ATG14: variants seen among roughly 807,000 people sequenced by gnomAD.
ATG14 encodes the protein autophagy related 14, also known as beclin 1-associated autophagy-related key regulator.
In ATG14, 35 loss-of-function variants were observed where a neutral mutation model predicts 60.4. The ratio of observed to expected loss-of-function variants is 0.58; its 90% CI spans 0.44 to 0.77. The LOEUF is 0.77. ATG14 is among the 30% of genes least tolerant of loss of function. The pLI is 0.00. For synonymous variants in ATG14, 234 were observed against 228.8 expected, an observed-to-expected ratio of 1.02 and a Z score of -0.21; for missense variants, 647 against 626.3, an observed-to-expected ratio of 1.03 and a Z score of -0.35.
chr14:55,396,419 T>C (rs1252969480), intron 2 of ATG14, among the ~76,000 whole-genome samples: 2 of 152,192 alleles, frequency 1.3e-5, no homozygotes, highest in Non-Finnish European at 2.9e-5. Context: ...ATTAGGGAAA[T>C]TGCAGAGTTA....
chr14:55,403,370 A>C (rs968889489), intron 1 of ATG14, among the ~76,000 whole-genome samples: 5 of 152,176 alleles, frequency 3.3e-5, no homozygotes, highest in African/African-American at 1.2e-4. Context: ...AACCAGGATA[A>C]GGCAGTTCTA....
chr14:55,408,850 A>G (rs553542966), intron 1 of ATG14, among the ~76,000 whole-genome samples: 7 of 152,376 alleles, frequency 4.6e-5, no homozygotes, highest in African/African-American at 1.7e-4. Context: ...TCAAAAGCCC[A>G]CATTTTAAAC....
chr14:55,405,830 G>A (rs1159763123), intron 1 of ATG14, among the ~76,000 whole-genome samples: 1 of 150,144 alleles, frequency 6.7e-6, no homozygotes, highest in Non-Finnish European at 1.5e-5. Flanking sequence ...AAAGGCAGAT[G>A]ACAGGGAACA....
At chr14:55,400,576 G>A (rs896931479) in intron 1 of ATG14, among the ~76,000 whole-genome samples, 1 of 152,066 alleles carries the variant, frequency 6.6e-6, no homozygotes, top group Non-Finnish European at 1.5e-5. Flanking sequence ...ACTTTTATAG[G>A]CTTTCAAGTT....
At chr14:55,399,169 T>C (rs1219385706) in intron 1 of ATG14, among the ~76,000 whole-genome samples, 2 of 152,172 alleles carry the variant, frequency 1.3e-5, no homozygotes, top group East Asian at 1.9e-4. Flanking sequence ...ACAAATTTAA[T>C]AGTCACTGAA....
At chr14:55,406,394 G>A (rs1386296576) in intron 1 of ATG14, among the ~76,000 whole-genome samples, 2 of 152,202 alleles carry the variant, frequency 1.3e-5, no homozygotes, top group Non-Finnish European at 2.9e-5. Flanking sequence ...GTTTTCTACA[G>A]TTAGTGAGGG....
At chr14:55,375,881 A>C (rs1884908970) in intron 9 of ATG14, among the ~76,000 whole-genome samples, 1 of 152,230 alleles carries the variant, frequency 6.6e-6, no homozygotes, top group African/African-American at 2.4e-5. Flanking sequence ...TATGTAAGTA[A>C]CGTGCCATGA....
At chr14:55,396,014 T>TA in intron 2 of ATG14, 32 bp from the exon 3 acceptor site, 1 of 1,509,760 alleles carries the variant, frequency 6.6e-7, no homozygotes, top group Non-Finnish European at 8.9e-7. Context: ...AATAAGCTCT[T>TA]AAAAATAATA....
rs138800347 is a variant in ATG14, at chr14:55,394,868, T to G, written c.327+1072A>C. On this transcript the variant is annotated intron_variant, in intron 3 of 9. Transcript: ENST00000247178. ...AATGCTAAGCTGACACCCAAGACAG[T>G]AAAAGCCTCCCACTACTCAATATCC... The G allele has an allele frequency of 6.2e-4, 213 of 345,294 alleles. 1 individual carries two copies. Among genetic ancestry groups the G allele is most frequent in the African/African-American group, 3.8e-3 (176 of 46,374 alleles). The allele number at this position is 345,294 out of a possible 1,614,324, so 21.4% of individuals were successfully genotyped here.
At position 55,383,720 on chromosome 14, in the gene ATG14, G is replaced by A. The variant is rs112491564; in HGVS notation, c.648-1529C>T. Among the ~76,000 whole-genome samples, 187 of 151,716 alleles carry A rather than the reference G, an allele frequency of 1.2e-3. 1 individual carries two copies. The highest frequency in any genetic ancestry group is 4.4e-3 in the African/African-American group (180 of 41,362). ...CGAATGGTGCTATAATCATACCATT[G>A]CACTCCAGCCTGGGCAACAGAATGA... On this transcript the variant is annotated intron_variant, in intron 5 of 9. Transcript: ENST00000247178.
At position 55,390,900 on chromosome 14, in the gene ATG14, G is replaced by T. The variant is rs368639112; in HGVS notation, c.409+11C>A. ...TTTCTAGGGCTGGAAGGAAGGACAC[G>T]AATTACTTACTTTTCTCCATTTCTT... On this transcript the variant is annotated intron_variant, in intron 4 of 9. Coordinates refer to ENST00000247178, the MANE Select transcript of ATG14 (RefSeq NM_014924.5). 2 of 1,554,670 alleles carry T rather than the reference G, an allele frequency of 1.3e-6. No homozygotes were observed. Among genetic ancestry groups the T allele is most frequent in the Non-Finnish European group, 1.8e-6 (2 of 1,134,412 alleles).
intron 9 of ATG14, among the ~76,000 whole-genome samples, chr14:55,371,201 G>A (rs1884809502): frequency 6.6e-6 from 1 of 152,170 alleles, no homozygotes; most frequent in Non-Finnish European, 1.5e-5. Context: ...GAAATAAATA[G>A]CAGGCAGAAA....
rs939051086 is a variant in ATG14, at chr14:55,367,738, C to T, written c.*1881G>A. On this transcript the variant is annotated 3_prime_UTR_variant, in exon 10 of 10. Transcript: ENST00000247178. The stretch of plus-strand genomic sequence containing the variant: ...CAGCCTGGGCAGCTGAGTGAGACTC[C>T]GTCTCCAAAAAAAAAAAAGACCACC... 3 of 130,878 alleles carry T rather than the reference C, an allele frequency of 2.3e-5. No homozygotes were observed. Among genetic ancestry groups the T allele is most frequent in the East Asian group, 2.2e-4 (1 of 4,630 alleles). The allele number at this position is 130,878 out of a possible 1,614,324, so 8.1% of individuals were successfully genotyped here.
At position 55,385,819 on chromosome 14, in the gene ATG14, C is replaced by T. The variant is rs193173069; in HGVS notation, c.647+40G>A. On this transcript the variant is annotated intron_variant, in intron 5 of 9. Coordinates refer to ENST00000247178, the MANE Select transcript of ATG14 (RefSeq NM_014924.5). ...GACATACTTTAAAAAGTATTTGGAA[C>T]TTGATCTATTCCTGGAGTCAAAAGA... 163 of 1,496,574 alleles carry T rather than the reference C, an allele frequency of 1.1e-4. No individual in the cohort carries two copies. The African/African-American group carries it at 1.8e-3, about 16-fold the overall frequency. The allele number at this position is 1,496,574 out of a possible 1,614,324, so 92.7% of individuals were successfully genotyped here.
At chr14:55,406,395 T>G (rs1885491281) in intron 1 of ATG14, among the ~76,000 whole-genome samples, 1 of 152,150 alleles carries the variant, frequency 6.6e-6, no homozygotes, top group African/African-American at 2.4e-5. Context: ...TTTTCTACAG[T>G]TAGTGAGGGG....
rs558868424 is a variant in ATG14 at position 55,393,257 on chromosome 14, C to T, written c.328-2265G>A. ...AAACTTAGCCGGGCGTGGTGGTGGG[C>T]GCCTGTAGTCCCAGCTACTCGGGAG... On this transcript the variant is annotated intron_variant, in intron 3 of 9. Coordinates refer to ENST00000247178, the MANE Select transcript of ATG14 (RefSeq NM_014924.5). Among the ~76,000 whole-genome samples the T allele has an allele frequency of 1.4e-4, 21 of 151,982 alleles. No individual in the cohort carries two copies. In the East Asian group the frequency reaches 3.5e-3, roughly 25 times the overall value.
chr14:55,411,643 C>G lies in ATG14; in HGVS notation c.180G>C (p.Gln60His), dbSNP rs1055693781. Residue 60 changes from glutamine (Q) to histidine (H), a missense_variant, in exon 1 of 10, where the codon CAG (glutamine) becomes CAC (histidine). Physicochemically the swap from Gln to His is conservative, Grantham distance 24 (BLOSUM62 0). Coordinates refer to ENST00000247178, the MANE Select transcript of ATG14 (RefSeq NM_014924.5). ...CGTCGAAGTAGACGAAATCGCCGCT[C>G]TGAACGCATTTGGCGCAGGTCAGCC... ...RRRLTCAKCVQSGDFVYFDGR... is the reference protein window; with the variant it reads ...RRRLTCAKCVHSGDFVYFDGR... The G allele has an allele frequency of 1.2e-6, 2 of 1,613,350 alleles. No individual in the cohort carries two copies. The highest frequency in any genetic ancestry group is 1.7e-6 in the Non-Finnish European group (2 of 1,179,902).
chr14:55,404,462 C>T (rs1399697151), intron 1 of ATG14, among the ~76,000 whole-genome samples: 1 of 152,240 alleles, frequency 6.6e-6, no homozygotes, highest in Non-Finnish European at 1.5e-5. Flanking sequence ...AATTCAGTAC[C>T]TTCCCTAGCA....
chr14:55,404,960 C>A (rs1424864505), intron 1 of ATG14, among the ~76,000 whole-genome samples: 1 of 152,052 alleles, frequency 6.6e-6, no homozygotes, highest in Admixed American at 6.6e-5. Flanking sequence ...AATGCAAAAA[C>A]CTTTTATAAG....
Sources: gnomAD v4.1 joint callset for allele counts (sites outside exome capture counted in the v4.1 genomes callset) on GRCh38, gnomAD v4.1.1 for gene constraint, MANE v1.5 for transcripts, NCBI Gene and HGNC (gene_info 2026-07-23, HGNC 2026-07-21) for gene names.